Variants in LRRC43 observed in about 807,000 individuals in gnomAD.
The protein encoded by LRRC43 is leucine rich repeat containing 43, also known as leucine-rich repeat-containing protein 43.
LRRC43 carries 62 observed loss-of-function variants against 64.3 expected under a neutral mutation model. The observed-to-expected ratio is 0.96, with a 90% CI of 0.79 to 1.19. The LOEUF (loss-of-function observed/expected upper bound fraction) is 1.19. LRRC43 is among the 50% of genes most tolerant of loss of function. The probability of loss-of-function intolerance (pLI) is 0.00; values close to 1 mark genes in which losing one functional copy is unlikely to be tolerated. For synonymous variants in LRRC43, 422 were observed against 382.3 expected (o/e 1.10, Z -1.21); for missense variants, 868 against 845.0 (o/e 1.03, Z -0.34).
intron 1 of LRRC43, among the ~76,000 whole-genome samples, chr12:122,173,452 G>A (rs1450102340): frequency 6.6e-6 from 1 of 152,212 alleles, no homozygotes; most frequent in African/African-American, 2.4e-5. Flanking sequence ...GGGAGGCCAA[G>A]GCAGGCGGAT....
upstream of LRRC43, chr12:122,183,111 G>A: frequency 6.6e-7 from 1 of 1,523,418 alleles, no homozygotes; most frequent in Admixed American, 2.0e-5. Flanking sequence ...CCGCGCACGC[G>A]TCCTAGCGGT....
In LRRC43 at chr12:122,200,145, C is replaced by G; in HGVS notation, c.1350-44C>G. The G allele has an allele frequency of 6.2e-7, 1 of 1,600,118 alleles. No homozygotes were observed. ...TCCTGTCCCGGGTCCCTGGCCACAG[C>G]CCCTGGGTGACGGCACCCCCGTCTT... On this transcript the variant is annotated intron_variant, in intron 7 of 11. Coordinates refer to ENST00000339777, the MANE Select transcript of LRRC43 (RefSeq NM_001098519.2). The surrounding 1 kb of genome is among the most constrained non-coding windows in gnomAD (Gnocchi z 4.6).
chr12:122,184,524 G>T lies in LRRC43; in HGVS notation c.156G>T (p.Lys52Asn). 6.2e-7 allele frequency: 1 copy of T among 1,613,162 alleles called. No homozygotes were observed. ...EFPCGAGSWN[K>N]SRFLPQTWRT... The stretch of plus-strand genomic sequence containing the variant: ...TCCCTCCTCTGCCACTGCAGAATAA[G>T]TCGCGCTTTCTTCCTCAAACTTGGC... Residue 52 changes from lysine (K) to asparagine (N), a missense_variant, in exon 2 of 12, where the codon AAG becomes AAT. Transcript: ENST00000339777. The surrounding 1 kb of genome is among the most constrained non-coding windows in gnomAD (Gnocchi z 4.0).
At position 122,201,343 on chromosome 12, in the gene LRRC43, G is replaced by A; in HGVS notation, c.1843+14G>A. The stretch of plus-strand genomic sequence containing the variant: ...TTGCCAAAAAAGGTGAGTGCCGATG[G>A]TGGTGACCAAAGGCAGGGATTGTCA... On this transcript the variant is annotated intron_variant, in intron 11 of 11. Coordinates refer to ENST00000339777, the MANE Select transcript of LRRC43 (RefSeq NM_001098519.2). 1 of 1,613,784 alleles carries A rather than the reference G, an allele frequency of 6.2e-7. No homozygotes were observed. Among genetic ancestry groups the A allele is most frequent in the Non-Finnish European group, 8.5e-7 (1 of 1,179,694 alleles).
At chr12:122,194,928 G>A (rs1001335884) in intron 7 of LRRC43, among the ~76,000 whole-genome samples, 7 of 152,130 alleles carry the variant, frequency 4.6e-5, no homozygotes, top group Non-Finnish European at 7.3e-5. Flanking sequence ...TAGAACCAAG[G>A]ACAAGAAATA....
chr12:122,175,952 C>T (rs1379321494), intron 1 of LRRC43, among the ~76,000 whole-genome samples: 2 of 152,278 alleles, frequency 1.3e-5, no homozygotes, highest in Admixed American at 6.5e-5. Context: ...TAGGCATGAG[C>T]GACTGCACCC....
upstream of LRRC43, among the ~76,000 whole-genome samples, chr12:122,180,751 T>C (rs981674309): frequency 2.0e-5 from 3 of 152,106 alleles, no homozygotes; most frequent in Non-Finnish European, 2.9e-5. Context: ...TAGACGCCCA[T>C]TGGCATCTGG....
At chr12:122,172,209 C>G (rs1368890824) in intron 1 of LRRC43, 1 of 530,952 alleles carries the variant, frequency 1.9e-6, no homozygotes, top group East Asian at 3.2e-5. Context: ...AATACCAAGA[C>G]TAATAACAAT....
Position 122,200,926 on chromosome 12 carries a change from T to C in LRRC43, c.1801T>C (p.Leu601=), listed in dbSNP as rs757984406. ...CACATTGACATCTGACAGGCTGACG[T>C]TGGCCAGGGTACAGCCGGGCCCTAG... ...VRTLTSDRLT[L]ARDSKKIKKV... is the part of the protein sequence containing the mutation. Residue 601 remains leucine, a synonymous_variant, in exon 10 of 12, where the codon TTG becomes CTG. Transcript: ENST00000339777. The surrounding 1 kb of genome is among the most constrained non-coding windows in gnomAD (Gnocchi z 4.6). 5.6e-6 allele frequency: 9 copies of C among 1,600,732 alleles called. No homozygotes were observed. Among genetic ancestry groups the C allele is most frequent in the Non-Finnish European group, 7.7e-6 (9 of 1,173,674 alleles).
In LRRC43 at chr12:122,196,324, G is replaced by A. The variant is rs79261761; in HGVS notation, c.1349+3320G>A. Among the ~76,000 whole-genome samples the A allele has an allele frequency of 5.9e-5, 9 of 152,108 alleles. No individual in the cohort carries two copies. The East Asian group carries it at 1.5e-3, about 26-fold the overall frequency. On this transcript the variant is annotated intron_variant, in intron 7 of 11. Coordinates refer to ENST00000339777, the MANE Select transcript of LRRC43 (RefSeq NM_001098519.2). Reference sequence around the variant, plus strand: ...TTAAGTTATATTCCTTAGTTTACTTGTAAGCCTTTATATTTTCCATACAAT... The same window carrying A: ...TTAAGTTATATTCCTTAGTTTACTTATAAGCCTTTATATTTTCCATACAAT...
upstream of LRRC43, among the ~76,000 whole-genome samples, chr12:122,179,700 C>T (rs953786754): frequency 2.6e-5 from 4 of 151,948 alleles, no homozygotes; most frequent in African/African-American, 9.7e-5. Flanking sequence ...AGGCTGGGTG[C>T]GGTGGCTCAC....
chr12:122,184,451 T>A lies in LRRC43; in HGVS notation c.151-68T>A, dbSNP rs1458331619. On this transcript the variant is annotated intron_variant, in intron 1 of 11. Transcript: ENST00000339777. The surrounding 1 kb of genome is among the most constrained non-coding windows in gnomAD (Gnocchi z 4.0). ...CGTCCAGTTTTATGATCTGTTCTGT[T>A]TTGAGAGTTTGGTGTCCTTAAGGGG... 6.4e-7 allele frequency: 1 copy of A among 1,553,610 alleles called. No homozygotes were observed. Among genetic ancestry groups the A allele is most frequent in the African/African-American group, 1.4e-5 (1 of 73,522 alleles).
intron 5 of LRRC43, among the ~76,000 whole-genome samples, chr12:122,190,963 G>T (rs148739232): frequency 6.6e-6 from 1 of 151,948 alleles, no homozygotes; most frequent in East Asian, 1.9e-4. Flanking sequence ...GCGAGACCCC[G>T]TCTCTAAAAA....
rs769815137 is a variant in LRRC43, at chr12:122,200,491, C to T, written c.1492-41C>T. 4.3e-6 allele frequency: 7 copies of T among 1,613,876 alleles called. No homozygotes were observed. In the South Asian group the frequency reaches 7.7e-5, roughly 18 times the overall value. On this transcript the variant is annotated intron_variant, in intron 8 of 11. Transcript: ENST00000339777. This position sits in a 1 kb window ranked among gnomAD's most constrained non-coding sequence, Gnocchi z 4.6. ...GGGAGAGGTGACCCCAGGCAGCCCGCCTGGGCCTCTGCTCACTCGAGGATT... is the reference window on the plus strand; with the variant it reads ...GGGAGAGGTGACCCCAGGCAGCCCGTCTGGGCCTCTGCTCACTCGAGGATT...
At chr12:122,177,475 AAGTGTGTGT>A (rs1953546053) in intron 1 of LRRC43, among the ~76,000 whole-genome samples, 4 of 87,510 alleles carry the variant, frequency 4.6e-5, no homozygotes, top group African/African-American at 8.1e-5. Flanking sequence ...ATGAGAGAGA[AAGTGTGTGT>A]GTGTGTGTGT....
chr12:122,200,695 C>G lies in LRRC43; in HGVS notation c.1620+35C>G, dbSNP rs763619458. 5.6e-6 allele frequency: 9 copies of G among 1,613,086 alleles called. No individual in the cohort carries two copies. Among genetic ancestry groups the G allele is most frequent in the Non-Finnish European group, 7.6e-6 (9 of 1,179,754 alleles). ...CTTGGTGCTGGGGAGGGCAGCCTGGCCACACCCTTGCTTCAACTTGTCCCA... is the reference window on the plus strand; with the variant it reads ...CTTGGTGCTGGGGAGGGCAGCCTGGGCACACCCTTGCTTCAACTTGTCCCA... On this transcript the variant is annotated intron_variant, in intron 9 of 11. Coordinates refer to ENST00000339777, the MANE Select transcript of LRRC43 (RefSeq NM_001098519.2). The surrounding 1 kb of genome is among the most constrained non-coding windows in gnomAD (Gnocchi z 4.6).
chr12:122,178,027 A>G (rs1483783862), intron 1 of LRRC43, among the ~76,000 whole-genome samples: 14 of 151,588 alleles, frequency 9.2e-5, no homozygotes, highest in African/African-American at 3.4e-4. Context: ...TTGTAGAGAC[A>G]GGGTTTTGCC....
At chr12:122,188,553 G>A (rs1236092737) in intron 4 of LRRC43, among the ~76,000 whole-genome samples, 1 of 151,590 alleles carries the variant, frequency 6.6e-6, no homozygotes, top group South Asian at 2.1e-4. Flanking sequence ...CAATTCTCCT[G>A]CCTCAGCCTC....
chr12:122,185,701 C>G (rs556089454), intron 2 of LRRC43, among the ~76,000 whole-genome samples: 5 of 152,158 alleles, frequency 3.3e-5, no homozygotes, highest in Admixed American at 1.3e-4. Context: ...GGTTTCGTGT[C>G]CTGGACAGAC....
Sources: gnomAD v4.1 joint callset for allele counts (sites outside exome capture counted in the v4.1 genomes callset) on GRCh38, gnomAD v4.1.1 for gene constraint, Gnocchi (gnomAD v3.1) non-coding constraint, MANE v1.5 for transcripts, NCBI Gene and HGNC (gene_info 2026-07-23, HGNC 2026-07-21) for gene names.